The following ALDH3A1 variants were observed in gnomAD, a reference collection of about 807,000 sequenced individuals.
The protein encoded by ALDH3A1 is aldehyde dehydrogenase 3 family member A1.
ALDH3A1 carries 46 observed loss-of-function variants against 49.9 expected under a neutral mutation model. The observed-to-expected ratio is 0.92, with a 90% CI of 0.73 to 1.18. ALDH3A1 has a LOEUF of 1.18. Ranked by LOEUF, ALDH3A1 falls within the 50% of genes most tolerant of loss-of-function variation. ALDH3A1 has a pLI of 0.00. For missense variants in ALDH3A1, 592 were observed against 611.8 expected (o/e 0.97, Z 0.34); for synonymous variants, 269 against 253.3 (o/e 1.06, Z -0.59).
chr17:19,745,888 A>G (rs1443356339), intron 1 of ALDH3A1, among the ~76,000 whole-genome samples: 1 of 152,270 alleles, frequency 6.6e-6, no homozygotes, highest in Non-Finnish European at 1.5e-5. Flanking sequence ...CGAATAAGAA[A>G]GTCATCACTG....
Position 19,738,130 on chromosome 17 carries a change from G to T in ALDH3A1, c.*91C>A, listed in dbSNP as rs776374305. On this transcript the variant is annotated 3_prime_UTR_variant, in exon 11 of 11. Coordinates refer to ENST00000225740, the MANE Select transcript of ALDH3A1 (RefSeq NM_000691.5). ...GAGTGGGGCTGGGCTGGGGCTGCAG[G>T]AGCGATTCTCCCAGGGCCAGGAGAG... 3 of 1,607,034 alleles carry T rather than the reference G, an allele frequency of 1.9e-6. No homozygotes were observed. The highest frequency in any genetic ancestry group is 2.2e-5 in the South Asian group (2 of 90,946).
intron 8 of ALDH3A1, 101 bp downstream of exon 8, chr17:19,739,407 T>G (rs56058142): frequency 7.3e-7 from 1 of 1,376,916 alleles, no homozygotes; most frequent in South Asian, 1.4e-5. Context: ...TCCAGTGACT[T>G]GCCCAAGGTC....
At chr17:19,742,955 C>G (rs1163051599) in intron 3 of ALDH3A1, 1 of 1,525,762 alleles carries the variant, frequency 6.6e-7, no homozygotes, top group African/African-American at 1.4e-5. Context: ...AGGAAGGAAG[C>G]CCTGATGCAT....
chr17:19,744,851 C>T (rs1033772344), intron 2 of ALDH3A1, 117 bp downstream of exon 2: 7 of 1,357,732 alleles, frequency 5.2e-6, no homozygotes, highest in African/African-American at 1.6e-5. Context: ...GACCGAGGGG[C>T]CAGGTGGCCC....
Position 19,745,432 on chromosome 17 carries a change from C to T in ALDH3A1, c.-5-298G>A, listed in dbSNP as rs141928580. ...CGGCAGGGCCTTTCCCGGCCTTTTC[C>T]GCTCCCTTACTTGCTTGCAAAGCTG... On this transcript the variant is annotated intron_variant, in intron 1 of 10. Coordinates refer to ENST00000225740, the MANE Select transcript of ALDH3A1 (RefSeq NM_000691.5). The T allele has an allele frequency of 1.8e-3, 684 of 380,134 alleles. 9 individuals are homozygous for T. The highest frequency in any genetic ancestry group is 0.013 in the African/African-American group (621 of 47,488). 23.5% of individuals were successfully genotyped at this position (380,134 alleles called of 1,614,324 possible). A position where few individuals can be genotyped will look rare whatever the true frequency, so the allele number is the denominator to read the frequency against.
At chr17:19,742,291 G>GACCA in intron 4 of ALDH3A1, 79 bp from the exon 5 acceptor site, 1 of 1,476,594 alleles carries the variant, frequency 6.8e-7, no homozygotes, top group Non-Finnish European at 9.4e-7. Context: ...GAGTTGCAGT[G>GACCA]GCCAAGACCA....
At chr17:19,740,307 G>C in intron 7 of ALDH3A1, 29 bp downstream of exon 7, 1 of 1,608,676 alleles carries the variant, frequency 6.2e-7, no homozygotes, top group Non-Finnish European at 8.5e-7. Context: ...GCCTGGGCAG[G>C]TGGGCTGTGC....
chr17:19,743,475 G>A lies in ALDH3A1; in HGVS notation c.163-12C>T. On this transcript the variant is annotated splice_polypyrimidine_tract_variant and intron_variant, in intron 2 of 10. Coordinates refer to ENST00000225740, the MANE Select transcript of ALDH3A1 (RefSeq NM_000691.5). This position sits in a 1 kb window ranked among gnomAD's most constrained non-coding sequence, Gnocchi z 4.4. ...GCGTTCCATTCATTCTGCAGCGACA[G>A]AGCCGGAGTGAGCTTCCAGGGCCAG... 6.4e-7 allele frequency: 1 copy of A among 1,573,238 alleles called. No homozygotes were observed. The highest frequency in any genetic ancestry group is 8.6e-7 in the Non-Finnish European group (1 of 1,156,814).
intron 3 of ALDH3A1, 102 bp from the exon 4 acceptor site, chr17:19,742,732 G>A (rs748050180): frequency 4.2e-5 from 66 of 1,585,402 alleles, no homozygotes; most frequent in Admixed American, 1.1e-4. Flanking sequence ...GTGTGTCCTC[G>A]GGACAGTGGA....
At chr17:19,742,740 G>A (rs2086521426) in intron 3 of ALDH3A1, 110 bp from the exon 4 acceptor site, 4 of 1,572,606 alleles carry the variant, frequency 2.5e-6, no homozygotes, top group Non-Finnish European at 3.4e-6. Context: ...TCGGGACAGT[G>A]GATGGAAGAG....
rs1366812360 is a variant in ALDH3A1, at chr17:19,744,000, T to C, written c.163-537A>G. 2 of 985,206 alleles carry C rather than the reference T, an allele frequency of 2.0e-6. No individual in the cohort carries two copies. Among genetic ancestry groups the C allele is most frequent in the Non-Finnish European group, 2.4e-6 (2 of 829,896 alleles). 61.0% of individuals were successfully genotyped at this position (985,206 alleles called of 1,614,324 possible). On this transcript the variant is annotated intron_variant, in intron 2 of 10. Transcript: ENST00000225740. This position sits in a 1 kb window ranked among gnomAD's most constrained non-coding sequence, Gnocchi z 4.4. ...GACGGCGGAAAACGCGTCTCTTTTA[T>C]AAACTTGGGCTGTGAAGAGCAACAC...
chr17:19,744,977 G>T lies in ALDH3A1; in HGVS notation c.153C>A (p.Asp51Glu). 1.3e-6 allele frequency: 2 copies of T among 1,575,634 alleles called. No individual in the cohort carries two copies. The highest frequency in any genetic ancestry group is 2.3e-5 in the East Asian group (1 of 42,912). ...EQELVGALAA[D>E]LHKNEWNAYY... ...CGCCCAGCCTGAGCACCTTGTGCAGGTCTGCGGCCAGCGCGCCCACCAGCT... is the reference window on the plus strand; with the variant it reads ...CGCCCAGCCTGAGCACCTTGTGCAGTTCTGCGGCCAGCGCGCCCACCAGCT... The change falls in exon 2 of 11, where the codon GAC becomes GAA. Residue 51 changes from aspartate to glutamate, a missense_variant. By Grantham distance (45) the Asp-to-Glu change is conservative (BLOSUM62 2). Coordinates refer to ENST00000225740, the MANE Select transcript of ALDH3A1 (RefSeq NM_000691.5).
At chr17:19,747,923 G>C (rs2152376877) in intron 1 of ALDH3A1, 1 of 168,716 alleles carries the variant, frequency 5.9e-6, no homozygotes, top group South Asian at 1.5e-4. Flanking sequence ...GGCATGTCAG[G>C]GTTTGAACCC....
In ALDH3A1 at chr17:19,744,901, G is replaced by GGCC. The variant is rs2086569103; in HGVS notation, c.162+66_162+67insGGC. 113 of 437,652 alleles carry GGCC rather than the reference G, an allele frequency of 2.6e-4. 2 individuals are homozygous for GGCC. The highest frequency in any genetic ancestry group is 8.7e-4 in the Middle Eastern group (1 of 1,148). The allele number at this position is 437,652 out of a possible 1,614,324, so 27.1% of individuals were successfully genotyped here. A position where few individuals can be genotyped will look rare whatever the true frequency, so the allele number is the denominator to read the frequency against. On this transcript the variant is annotated intron_variant, in intron 2 of 10. Transcript: ENST00000225740. Reference sequence around the variant, plus strand: ...ACCTCTCTGGGTCGCACTCTCCCCAGCCCCTCCCCCCACGCCCCATCGCAT... The same window carrying GGCC: ...ACCTCTCTGGGTCGCACTCTCCCCAGGCCCCCCTCCCCCCACGCCCCATCGCAT...
rs1597662569 is a variant in ALDH3A1, at chr17:19,738,210, G to A, written c.*11C>T. The A allele has an allele frequency of 6.2e-7, 1 of 1,613,946 alleles. No homozygotes were observed. Among genetic ancestry groups the A allele is most frequent in the Non-Finnish European group, 8.5e-7 (1 of 1,179,996 alleles). On this transcript the variant is annotated 3_prime_UTR_variant, in exon 11 of 11. Coordinates refer to ENST00000225740, the MANE Select transcript of ALDH3A1 (RefSeq NM_000691.5). ...ACACAGTATGGCCAGGCCAGGCGGA[G>A]CAACCCCTCCTCAGTGCTGGGTCAT...
intron 1 of ALDH3A1, among the ~76,000 whole-genome samples, chr17:19,746,743 G>A (rs1343641767): frequency 1.3e-5 from 2 of 152,038 alleles, no homozygotes; most frequent in African/African-American, 4.8e-5. Context: ...GTGCGTGTGT[G>A]TGTGGGCGTG....
In ALDH3A1 at chr17:19,739,036, G is replaced by A. The variant is rs756174714; in HGVS notation, c.1176C>T (p.Ile392=). The change falls in exon 9 of 11, where the codon ATC becomes ATT. Residue 392 remains isoleucine, a synonymous_variant. Coordinates refer to ENST00000225740, the MANE Select transcript of ALDH3A1 (RefSeq NM_000691.5). ...SSGGVAANDV[I]VHITLHSLPF... The stretch of plus-strand genomic sequence containing the variant: ...GCAGAGAGTGCAAGGTGATGTGGAC[G>A]ATGACATCGTTGGCCGCCACCCCAC... The A allele has an allele frequency of 2.5e-6, 4 of 1,613,894 alleles. No homozygotes were observed. The highest frequency in any genetic ancestry group is 1.7e-5 in the Admixed American group (1 of 60,024).
At position 19,743,526 on chromosome 17, in the gene ALDH3A1, G is replaced by T. The variant is rs2086542431; in HGVS notation, c.163-63C>A. ...GGCCCGCCTGCAGCTGGGGCGAGTG[G>T]GGAGCCCCACTGCTCAGCTGCCAGG... On this transcript the variant is annotated intron_variant, in intron 2 of 10. Transcript: ENST00000225740. The surrounding 1 kb of genome is among the most constrained non-coding windows in gnomAD (Gnocchi z 4.4). 1.3e-6 allele frequency: 2 copies of T among 1,531,266 alleles called. No individual in the cohort carries two copies. Among genetic ancestry groups the T allele is most frequent in the Non-Finnish European group, 1.8e-6 (2 of 1,139,086 alleles). The allele number at this position is 1,531,266 out of a possible 1,614,324, so 94.9% of individuals were successfully genotyped here. A position where few individuals can be genotyped will look rare whatever the true frequency, so the allele number is the denominator to read the frequency against.
chr17:19,741,035 A>C, intron 6 of ALDH3A1, 58 bp downstream of exon 6: 1 of 1,333,900 alleles, frequency 7.5e-7, no homozygotes, highest in Non-Finnish European at 1.1e-6. Context: ...TTAAGGGGCC[A>C]GGCCCCCCTT....
Sources: allele counts gnomAD v4.1 joint callset (sites outside exome capture counted in the v4.1 genomes callset), GRCh38; gene constraint gnomAD v4.1.1; non-coding constraint Gnocchi (gnomAD v3.1); transcripts MANE v1.5; gene names NCBI Gene and HGNC (gene_info 2026-07-23, HGNC 2026-07-21).